The following TRPC4AP variants were observed in gnomAD, a reference collection of about 807,000 sequenced individuals.
TRPC4AP encodes transient receptor potential cation channel subfamily C member 4 associated protein.
Under a neutral mutation model 99.0 loss-of-function variants are expected in TRPC4AP, and 45 were observed. That is an observed-to-expected ratio of 0.45 (90% CI 0.36 to 0.58). The LOEUF (loss-of-function observed/expected upper bound fraction) is 0.58. TRPC4AP is among the 20% of genes least tolerant of loss of function. TRPC4AP has a pLI of 0.00. For missense variants in TRPC4AP, 879 were observed against 985.3 expected (o/e 0.89, Z 1.44); for synonymous variants, 408 against 385.8 (o/e 1.06, Z -0.67).
chr20:35,004,469 T>C lies in TRPC4AP; in HGVS notation c.2038A>G (p.Thr680Ala), dbSNP rs1049248678. The C allele has an allele frequency of 6.2e-7, 1 of 1,613,546 alleles. No homozygotes were observed. Among genetic ancestry groups the C allele is most frequent in the Non-Finnish European group, 8.5e-7 (1 of 1,179,708 alleles). The change falls in exon 17 of 19, where the codon ACG (threonine) becomes GCG (alanine). Residue 680 changes from threonine (T) to alanine (A), a missense_variant. Coordinates refer to ENST00000252015, the MANE Select transcript of TRPC4AP (RefSeq NM_015638.3). Reference sequence around the variant, plus strand: ...CCGGGGCCTCTCACCTGGGTCAGCGTCTGCACGTGGATGATGTTGATGAGG... The same window carrying C: ...CCGGGGCCTCTCACCTGGGTCAGCGCCTGCACGTGGATGATGTTGATGAGG... ...FRLINIIHVQ[T>A]LTQENVSCLN...
chr20:35,015,996 T>C lies in TRPC4AP; in HGVS notation c.1350+12A>G, dbSNP rs1406026019. On this transcript the variant is annotated intron_variant, in intron 10 of 18. Coordinates refer to ENST00000252015, the MANE Select transcript of TRPC4AP (RefSeq NM_015638.3). ...GTGAGGCCCCATCTGTCCCCGGGGG[T>C]CTCCTGCTTACCGGGCTACAGTCAC... 1.9e-6 allele frequency: 3 copies of C among 1,613,672 alleles called. No individual in the cohort carries two copies. In the Admixed American group the frequency reaches 5.0e-5, roughly 27 times the overall value.
intron 2 of TRPC4AP, among the ~76,000 whole-genome samples, chr20:35,075,529 C>A (rs1196987580): frequency 6.6e-6 from 1 of 152,126 alleles, no homozygotes; most frequent in Admixed American, 6.5e-5. Flanking sequence ...CTTAGTTTGG[C>A]TGGATATGAA....
intron 7 of TRPC4AP, among the ~76,000 whole-genome samples, chr20:35,043,312 T>C (rs1364121787): frequency 6.6e-6 from 1 of 151,212 alleles, no homozygotes; most frequent in East Asian, 1.9e-4. Flanking sequence ...AGTGGTGCAA[T>C]CTGGGCTCAC....
chr20:35,037,515 A>C (rs2083347722), intron 7 of TRPC4AP, among the ~76,000 whole-genome samples: 1 of 152,214 alleles, frequency 6.6e-6, no homozygotes, highest in South Asian at 2.1e-4. Context: ...AAAATATCCC[A>C]AATGTCCATT....
chr20:35,035,344 A>G, intron 7 of TRPC4AP, 36 bp from the exon 8 acceptor site: 1 of 1,599,982 alleles, frequency 6.3e-7, no homozygotes, highest in African/African-American at 1.3e-5. Context: ...AATTTTCAAA[A>G]TAGAGACCAG....
intron 5 of TRPC4AP, among the ~76,000 whole-genome samples, chr20:35,053,282 C>T (rs1380820715): frequency 1.3e-5 from 2 of 152,188 alleles, no homozygotes; most frequent in Admixed American, 6.5e-5. Flanking sequence ...TTATCTAACA[C>T]TAGGTCTTAT....
rs1251875641 is a variant in TRPC4AP at position 35,067,797 on chromosome 20, C to T, written c.414+1499G>A. ...TAACTAAATTTATACAAAACGTCCA[C>T]GACAGAGAAATCTATAGAGACAAAA... On this transcript the variant is annotated intron_variant, in intron 3 of 18. Coordinates refer to ENST00000252015, the MANE Select transcript of TRPC4AP (RefSeq NM_015638.3). 6.6e-5 allele frequency among the ~76,000 whole-genome samples: 10 copies of T among 151,956 alleles called. No homozygotes were observed. The East Asian group carries it at 9.6e-4, about 15-fold the overall frequency.
intron 17 of TRPC4AP, 123 bp downstream of exon 17, chr20:35,004,335 C>T (rs2082469707): frequency 2.5e-6 from 2 of 807,310 alleles, no homozygotes; most frequent in Non-Finnish European, 2.1e-6. Flanking sequence ...GCACAGTCCT[C>T]AGAAGAGCTG....
chr20:35,073,422 A>C (rs1207608581), intron 2 of TRPC4AP, among the ~76,000 whole-genome samples: 1 of 150,958 alleles, frequency 6.6e-6, no homozygotes, highest in African/African-American at 2.5e-5. Flanking sequence ...GTCTGTCATA[A>C]ATAGCTCCTA....
intron 12 of TRPC4AP, 105 bp downstream of exon 12, chr20:35,010,082 G>A (rs1458321246): frequency 2.4e-6 from 2 of 849,022 alleles, no homozygotes; most frequent in Non-Finnish European, 2.0e-6. Flanking sequence ...GTAGCTGCAT[G>A]TGAGAGAGGA....
chr20:35,037,529 T>C (rs748042319), intron 7 of TRPC4AP, among the ~76,000 whole-genome samples: 44 of 152,106 alleles, frequency 2.9e-4, no homozygotes, highest in Non-Finnish European at 4.4e-5. Flanking sequence ...GTCCATTAAC[T>C]GAAGGGATAA....
intron 3 of TRPC4AP, among the ~76,000 whole-genome samples, chr20:35,060,006 A>C (rs145524282): frequency 1.3e-4 from 20 of 152,284 alleles, no homozygotes; most frequent in African/African-American, 4.1e-4. Context: ...GATTTAAAAA[A>C]AAACAAACAA....
chr20:35,081,208 G>A (rs1171101876), intron 1 of TRPC4AP, among the ~76,000 whole-genome samples: 2 of 152,074 alleles, frequency 1.3e-5, no homozygotes, highest in African/African-American at 4.8e-5. Flanking sequence ...ATGCTAAAAT[G>A]CTCCAATTAA....
At chr20:35,023,207 C>A (rs1443489967) in intron 8 of TRPC4AP, among the ~76,000 whole-genome samples, 1 of 152,244 alleles carries the variant, frequency 6.6e-6, no homozygotes, top group East Asian at 1.9e-4. Context: ...TGGGTTTGAA[C>A]CCCATTCACT....
intron 5 of TRPC4AP, among the ~76,000 whole-genome samples, chr20:35,051,633 A>G (rs2083703138): frequency 6.6e-6 from 1 of 150,626 alleles, no homozygotes; most frequent in Non-Finnish European, 1.5e-5. Flanking sequence ...AAAAAAAAAA[A>G]GGTTGTTATT....
Position 35,091,605 on chromosome 20 carries a change from T to C in TRPC4AP, c.168+1009A>G, listed in dbSNP as rs562908443. On this transcript the variant is annotated intron_variant, in intron 1 of 18. Coordinates refer to ENST00000252015, the MANE Select transcript of TRPC4AP (RefSeq NM_015638.3). ...AGCTGTCTTTAAATAAAGCTAATGT[T>C]TTACAGGTGTTAGCAAGGTTCGGGG... 2.0e-5 allele frequency among the ~76,000 whole-genome samples: 3 copies of C among 152,240 alleles called. No individual in the cohort carries two copies. In the South Asian group the frequency reaches 6.2e-4, roughly 32 times the overall value.
At chr20:35,050,671 CAAATGCACTCTAGCCTTGGCAACAGAGGG>C (rs2083674144) in intron 5 of TRPC4AP, among the ~76,000 whole-genome samples, 1 of 148,596 alleles carries the variant, frequency 6.7e-6, no homozygotes. Context: ...CTAGACTGTG[CAAATGCACTCTAGCCTTGGCAACAGAGGG>C]AGACCCTAAC....
At chr20:35,004,662 T>A in intron 16 of TRPC4AP, 92 bp from the exon 17 acceptor site, 2 of 1,082,954 alleles carry the variant, frequency 1.8e-6, no homozygotes, top group Admixed American at 4.0e-5. Context: ...GGGTCCTGAC[T>A]CTGAAGCTAG....
At chr20:35,043,235 T>C (rs1440674706) in intron 7 of TRPC4AP, among the ~76,000 whole-genome samples, 3 of 152,024 alleles carry the variant, frequency 2.0e-5, no homozygotes, top group Non-Finnish European at 4.4e-5. Context: ...ACAAATAATG[T>C]TGCAATGAAT....
Sources: allele counts gnomAD v4.1 joint callset (sites outside exome capture counted in the v4.1 genomes callset), GRCh38; gene constraint gnomAD v4.1.1; transcripts MANE v1.5; gene names NCBI Gene and HGNC (gene_info 2026-07-23, HGNC 2026-07-21).